The following ROBO1 variants were observed in gnomAD, a reference collection of about 807,000 sequenced individuals.
The protein encoded by ROBO1 is roundabout homolog 1.
ROBO1 carries 149 observed loss-of-function variants against 195.9 expected under a neutral mutation model. That is an observed-to-expected ratio of 0.76 (90% CI 0.67 to 0.87). The LOEUF (loss-of-function observed/expected upper bound fraction) is 0.87. ROBO1 is among the 40% of genes least tolerant of loss of function. ROBO1 has a pLI of 0.00. For synonymous variants in ROBO1, 816 were observed against 733.2 expected (o/e 1.11, Z -1.82); for missense variants, 1,933 against 2,068.3 (o/e 0.93, Z 1.27).
chr3:79,594,391 G>A (rs1944099359), intron 1 of ROBO1, among the ~76,000 whole-genome samples: 1 of 151,984 alleles, frequency 6.6e-6, no homozygotes, highest in Admixed American at 6.6e-5. Context: ...TACTAAGAGT[G>A]TATATACATA....
chr3:79,606,364 T>G (rs929950965), intron 1 of ROBO1, among the ~76,000 whole-genome samples: 1 of 152,034 alleles, frequency 6.6e-6, no homozygotes, highest in Non-Finnish European at 1.5e-5. Context: ...TTGCATAGAT[T>G]GATAATGAAT....
At position 79,690,893 on chromosome 3, in the gene ROBO1, C is replaced by T. The variant is rs114186035; in HGVS notation, c.-51+76859G>A. Among the ~76,000 whole-genome samples the T allele has an allele frequency of 2.6e-3, 394 of 151,916 alleles. 1 individual carries two copies. The highest frequency in any genetic ancestry group is 5.0e-3 in the South Asian group (24 of 4,824). On this transcript the variant is annotated intron_variant, in intron 1 of 30. Coordinates refer to ENST00000464233, the MANE Select transcript of ROBO1 (RefSeq NM_002941.4). ...GAGTTCTAAAGTAAAATATCAAAAA[C>T]TAAGGTAGCATTGGGTAGTAACTCT...
intron 2 of ROBO1, among the ~76,000 whole-genome samples, chr3:79,548,660 T>C (rs1942363050): frequency 1.3e-5 from 2 of 152,354 alleles, no homozygotes; most frequent in Middle Eastern, 3.4e-3. Flanking sequence ...TTTTATTTGA[T>C]GTGAACAGAA....
chr3:79,114,567 CA>C (rs1392306214), intron 3 of ROBO1, among the ~76,000 whole-genome samples: 1 of 152,056 alleles, frequency 6.6e-6, no homozygotes, highest in Non-Finnish European at 1.5e-5. Flanking sequence ...GAGCAGTAAG[CA>C]ACCATTACTC....
Position 78,846,158 on chromosome 3 carries a change from C to T in ROBO1, c.499+92443G>A, listed in dbSNP as rs540132816. ...TAATGTGTAATCTTTTTTGTAATTA[C>T]AAACAAAACTGCAACATGGAGTTTT... is the stretch of plus-strand genomic sequence containing the variant. On this transcript the variant is annotated intron_variant, in intron 4 of 30. Transcript: ENST00000464233. Among the ~76,000 whole-genome samples the T allele has an allele frequency of 2.6e-4, 40 of 152,052 alleles. 1 individual carries two copies. The Middle Eastern group carries it at 0.017, about 65-fold the overall frequency.
intron 1 of ROBO1, among the ~76,000 whole-genome samples, chr3:79,640,254 C>T (rs369104952): frequency 6.6e-6 from 1 of 151,940 alleles, no homozygotes; most frequent in African/African-American, 2.4e-5. Context: ...AGTATGACTC[C>T]ATTTTTGAGT....
At chr3:79,120,857 C>T (rs947930224) in intron 3 of ROBO1, among the ~76,000 whole-genome samples, 1 of 152,032 alleles carries the variant, frequency 6.6e-6, no homozygotes, top group Non-Finnish European at 1.5e-5. Flanking sequence ...AATGTAAACT[C>T]TCACTATTAA....
At chr3:79,219,796 C>A (rs2082107404) in intron 2 of ROBO1, among the ~76,000 whole-genome samples, 3 of 152,018 alleles carry the variant, frequency 2.0e-5, no homozygotes, top group African/African-American at 7.2e-5. Flanking sequence ...ATGAATGATT[C>A]TTTCTTAGGA....
chr3:79,550,007 C>T (rs2107668800), intron 2 of ROBO1, among the ~76,000 whole-genome samples: 1 of 151,764 alleles, frequency 6.6e-6, no homozygotes, highest in East Asian at 1.9e-4. Context: ...AGCCTGTAGT[C>T]CTAGCTACTC....
At chr3:79,655,681 G>T (rs9882126) in intron 1 of ROBO1, among the ~76,000 whole-genome samples, 35,631 of 151,836 alleles carry the variant, frequency 0.23, 4,499 homozygotes, top group African/African-American at 0.32. Flanking sequence ...AGCTAATTGG[G>T]AACCTAAAGA....
chr3:78,949,662 G>T (rs369907436), intron 3 of ROBO1, among the ~76,000 whole-genome samples: 1 of 151,916 alleles, frequency 6.6e-6, no homozygotes, highest in African/African-American at 2.4e-5. Context: ...TTGACAAATG[G>T]GATCTAATTA....
At chr3:79,173,660 C>T (rs994250787) in intron 2 of ROBO1, among the ~76,000 whole-genome samples, 3 of 152,134 alleles carry the variant, frequency 2.0e-5, no homozygotes, top group African/African-American at 7.2e-5. Context: ...CGGCCCCCTG[C>T]TCCACGGTGC....
intron 1 of ROBO1, among the ~76,000 whole-genome samples, chr3:79,742,063 A>G (rs1703671183): frequency 6.6e-6 from 1 of 152,224 alleles, no homozygotes. Flanking sequence ...ACTGGAACTT[A>G]TATTTAAAAG....
chr3:79,274,967 A>C (rs1405472862), intron 2 of ROBO1, among the ~76,000 whole-genome samples: 1 of 152,044 alleles, frequency 6.6e-6, no homozygotes, highest in African/African-American at 2.4e-5. Flanking sequence ...ACTGATAACA[A>C]GTACTGAGAT....
chr3:79,457,764 C>T (rs940731270), intron 2 of ROBO1, among the ~76,000 whole-genome samples: 6 of 152,168 alleles, frequency 3.9e-5, no homozygotes, highest in Non-Finnish European at 5.9e-5. Context: ...CTTTGCCTTC[C>T]ACCATGATTG....
chr3:79,478,190 A>G (rs1239475125), intron 2 of ROBO1, among the ~76,000 whole-genome samples: 1 of 152,196 alleles, frequency 6.6e-6, no homozygotes, highest in Non-Finnish European at 1.5e-5. Flanking sequence ...AATCAAGTGA[A>G]GGTCTAAAAC....
At chr3:79,265,665 A>G (rs2083026698) in intron 2 of ROBO1, among the ~76,000 whole-genome samples, 1 of 151,580 alleles carries the variant, frequency 6.6e-6, no homozygotes, top group Non-Finnish European at 1.5e-5. Flanking sequence ...AAAATATGAA[A>G]AAAGTTTTCT....
intron 2 of ROBO1, among the ~76,000 whole-genome samples, chr3:79,517,699 T>C (rs760968530): frequency 4.6e-5 from 7 of 152,206 alleles, no homozygotes; most frequent in Non-Finnish European, 8.8e-5. Flanking sequence ...AATATTCTTT[T>C]AGAATGTTCT....
At chr3:79,053,317 C>G in intron 3 of ROBO1, among the ~76,000 whole-genome samples, 1 of 151,978 alleles carries the variant, frequency 6.6e-6, no homozygotes, top group Non-Finnish European at 1.5e-5. Flanking sequence ...GATTCTGAGA[C>G]TTCAATATCT....
Sources: allele counts gnomAD v4.1 joint callset (sites outside exome capture counted in the v4.1 genomes callset), GRCh38; gene constraint gnomAD v4.1.1; transcripts MANE v1.5; gene names NCBI Gene and HGNC (gene_info 2026-07-23, HGNC 2026-07-21).